The following VPS13B variants were observed in gnomAD, a reference collection of about 807,000 sequenced individuals.
VPS13B encodes vacuolar protein sorting 13 homolog B, also known as intermembrane lipid transfer protein VPS13B.
Under a neutral mutation model 426.4 loss-of-function variants are expected in VPS13B, and 285 were observed. That is an observed-to-expected ratio of 0.67 (90% CI 0.61 to 0.74). VPS13B has a LOEUF of 0.74. Ranked by LOEUF, VPS13B falls within the 30% of genes least tolerant of loss-of-function variation. The pLI is 0.00. For synonymous variants in VPS13B, 1,676 were observed against 1,676.4 expected (o/e 1.00, Z 0.01); for missense variants, 4,537 against 4,782.6 (o/e 0.95, Z 1.51).
intron 35 of VPS13B, among the ~76,000 whole-genome samples, chr8:99,664,488 C>A (rs1588602352): frequency 6.6e-6 from 1 of 151,866 alleles, no homozygotes; most frequent in Admixed American, 6.6e-5. Context: ...CCACAACAGT[C>A]CCCGGTGTGT....
intron 17 of VPS13B, among the ~76,000 whole-genome samples, chr8:99,226,039 T>G (rs1353532289): frequency 6.6e-6 from 1 of 151,980 alleles, no homozygotes. Flanking sequence ...CGGCCTCCTG[T>G]GTTCAAGCCA....
intron 30 of VPS13B, among the ~76,000 whole-genome samples, chr8:99,548,654 T>C (rs1266910891): frequency 2.6e-5 from 4 of 151,852 alleles, no homozygotes; most frequent in Non-Finnish European, 4.4e-5. Context: ...CCGAAATTGG[T>C]TTTAAGTATG....
intron 30 of VPS13B, among the ~76,000 whole-genome samples, chr8:99,549,214 A>T (rs1824149382): frequency 6.6e-6 from 1 of 152,156 alleles, no homozygotes; most frequent in African/African-American, 2.4e-5. Context: ...CATACTGTTA[A>T]AACACTGTTA....
intron 33 of VPS13B, among the ~76,000 whole-genome samples, chr8:99,620,378 A>G (rs957073695): frequency 6.6e-6 from 1 of 152,186 alleles, no homozygotes. Context: ...GGTTTCCTGC[A>G]TTGAAACTCC....
At chr8:99,224,598 T>C (rs921908323) in intron 17 of VPS13B, among the ~76,000 whole-genome samples, 6 of 152,160 alleles carry the variant, frequency 3.9e-5, no homozygotes, top group African/African-American at 1.4e-4. Flanking sequence ...TATTGAGTGG[T>C]TTCTTTTTAC....
chr8:99,501,949 C>G (rs1336926755), intron 26 of VPS13B, 91 bp downstream of exon 26: 5 of 1,049,378 alleles, frequency 4.8e-6, no homozygotes, highest in Non-Finnish European at 6.6e-6. Flanking sequence ...CCTTTCTTTT[C>G]TGTCTGTCTG....
chr8:99,507,110 C>A, intron 27 of VPS13B, 27 bp from the exon 28 acceptor site: 1 of 1,613,146 alleles, frequency 6.2e-7, no homozygotes, highest in Middle Eastern at 1.7e-4. Context: ...TTGAAGAGAA[C>A]AGATAAGGTG....
intron 21 of VPS13B, among the ~76,000 whole-genome samples, chr8:99,428,674 C>T (rs186007682): frequency 6.6e-6 from 1 of 152,254 alleles, no homozygotes; most frequent in African/African-American, 2.4e-5. Flanking sequence ...CACTTTTACA[C>T]TGTTGGTGGG....
chr8:99,858,009 C>T (rs570076777), intron 56 of VPS13B, among the ~76,000 whole-genome samples: 34 of 152,316 alleles, frequency 2.2e-4, no homozygotes, highest in African/African-American at 5.5e-4. Context: ...GGGACCTTGG[C>T]GTGGCTGTTG....
chr8:99,101,061 C>A (rs1363389159), intron 4 of VPS13B, among the ~76,000 whole-genome samples: 1 of 152,070 alleles, frequency 6.6e-6, no homozygotes, highest in Non-Finnish European at 1.5e-5. Flanking sequence ...AAAAAGTTCC[C>A]TGTTCATGAC....
At chr8:99,043,378 A>G (rs1188022011) in intron 3 of VPS13B, among the ~76,000 whole-genome samples, 1 of 152,114 alleles carries the variant, frequency 6.6e-6, no homozygotes, top group Non-Finnish European at 1.5e-5. Context: ...TTTAAAAATC[A>G]ATTAGTTAGA....
intron 39 of VPS13B, among the ~76,000 whole-genome samples, chr8:99,743,001 A>C (rs888258361): frequency 2.0e-4 from 31 of 152,274 alleles, no homozygotes; most frequent in African/African-American, 7.2e-4. Context: ...GAAGGAAATA[A>C]AGGGTATTCA....
rs1282964107 is a variant in VPS13B, at chr8:99,832,487, T to C, written c.9449T>C (p.Leu3150Pro). 6.2e-7 allele frequency: 1 copy of C among 1,613,536 alleles called. No homozygotes were observed. The highest frequency in any genetic ancestry group is 1.3e-5 in the African/African-American group (1 of 74,832). The change falls in exon 52 of 62, where the codon CTG becomes CCG. Residue 3150 changes from leucine to proline, a missense_variant. By Grantham distance (98) the Leu-to-Pro change is moderately conservative. Coordinates refer to ENST00000357162, the MANE Select transcript of VPS13B (RefSeq NM_152564.5). ...DLMPDISQSV[L>P]DASLLQKQIM... is the part of the protein sequence containing the mutation. ...ATGCCTGACATCAGTCAGTCAGTAC[T>C]GGATGCATCCCTGCTTCAGAAACAG...
chr8:99,442,896 CTT>C (rs1186642268), intron 23 of VPS13B, among the ~76,000 whole-genome samples: 1 of 151,938 alleles, frequency 6.6e-6, no homozygotes, highest in Non-Finnish European at 1.5e-5. Flanking sequence ...GAAAAATTAA[CTT>C]GGGAAGAAAA....
rs965160953 is a variant in VPS13B at position 99,465,892 on chromosome 8, A to C, written c.3446-1522A>C. ...TATTGTGAACTATGTTGCTAGGTTT[A>C]TTTTATTATGCAAGTCTCACTTTCA... On this transcript the variant is annotated intron_variant, in intron 23 of 61. Transcript: ENST00000357162. 2.0e-5 allele frequency among the ~76,000 whole-genome samples: 3 copies of C among 152,096 alleles called. No homozygotes were observed. In the East Asian group the frequency reaches 5.8e-4, roughly 29 times the overall value.
chr8:99,099,020 T>G (rs561261593), intron 4 of VPS13B, among the ~76,000 whole-genome samples: 1 of 152,136 alleles, frequency 6.6e-6, no homozygotes, highest in Non-Finnish European at 1.5e-5. Flanking sequence ...TTCTCTTTTT[T>G]CCCTTTATTT....
chr8:99,253,782 G>A (rs192555402), intron 17 of VPS13B, among the ~76,000 whole-genome samples: 3 of 152,004 alleles, frequency 2.0e-5, no homozygotes, highest in Admixed American at 2.0e-4. Flanking sequence ...TTTGCTGTTT[G>A]CTATCTCTGT....
At chr8:99,179,421 C>T (rs1208851370) in intron 16 of VPS13B, among the ~76,000 whole-genome samples, 2 of 152,124 alleles carry the variant, frequency 1.3e-5, no homozygotes, top group Non-Finnish European at 2.9e-5. Flanking sequence ...TGGCTTTCTA[C>T]ACTCATCTGA....
At chr8:99,131,414 G>A (rs1325765573) in intron 8 of VPS13B, among the ~76,000 whole-genome samples, 1 of 152,130 alleles carries the variant, frequency 6.6e-6, no homozygotes, top group African/African-American at 2.4e-5. Flanking sequence ...TATGTTATAA[G>A]CATCTGGGGA....
Sources: gnomAD v4.1 joint callset for allele counts (sites outside exome capture counted in the v4.1 genomes callset) on GRCh38, gnomAD v4.1.1 for gene constraint, MANE v1.5 for transcripts, NCBI Gene and HGNC (gene_info 2026-07-23, HGNC 2026-07-21) for gene names.